The following TUT7 variants were observed in gnomAD, a reference collection of about 807,000 sequenced individuals.
TUT7 encodes the protein terminal uridylyltransferase 7.
Under a neutral mutation model 165.9 loss-of-function variants are expected in TUT7, and 33 were observed. The ratio of observed to expected loss-of-function variants is 0.20; its 90% CI spans 0.15 to 0.27. TUT7 has a LOEUF of 0.27. TUT7 is among the 10% of genes least tolerant of loss of function. TUT7 has a pLI of 1.00. For missense variants in TUT7, 1,338 were observed against 1,762.3 expected (o/e 0.76, Z 4.31); for synonymous variants, 552 against 608.1 (o/e 0.91, Z 1.36).
chr9:86,302,298 C>T (rs1826997457), intron 25 of TUT7, among the ~76,000 whole-genome samples: 1 of 151,092 alleles, frequency 6.6e-6, no homozygotes, highest in Non-Finnish European at 1.5e-5. Context: ...CATGGCTTAC[C>T]TACTCACAAC....
chr9:86,318,441 C>T (rs1450093765), intron 16 of TUT7, among the ~76,000 whole-genome samples: 1 of 152,146 alleles, frequency 6.6e-6, no homozygotes, highest in Non-Finnish European at 1.5e-5. Flanking sequence ...ACTCCTGACC[C>T]ACATGATCCA....
intron 21 of TUT7, 106 bp downstream of exon 21, chr9:86,309,106 A>C (rs781657598): frequency 1.4e-6 from 1 of 694,374 alleles, no homozygotes; most frequent in Non-Finnish European, 2.5e-6. Flanking sequence ...CTATCATAAG[A>C]TATATAAATA....
chr9:86,328,590 G>T, intron 10 of TUT7, 98 bp from the exon 11 acceptor site: 2 of 968,744 alleles, frequency 2.1e-6, no homozygotes, highest in Non-Finnish European at 2.9e-6. Flanking sequence ...ATAGTTCAAC[G>T]AAAATACAAA....
Position 86,322,362 on chromosome 9 carries a change from A to G in TUT7, c.2991T>C (p.Phe997=). 2.5e-6 allele frequency: 4 copies of G among 1,614,088 alleles called. No individual in the cohort carries two copies. The highest frequency in any genetic ancestry group is 3.4e-6 in the Non-Finnish European group (4 of 1,179,964). The part of the protein sequence containing the change: ...LEPLPPLTPK[F]LNILDQVCIQ... ...TACAGACTTGATCTAAGATATTTAAAAACTTGGGTGTTAATGGTGGCAGAG... is the reference window on the plus strand; with the variant it reads ...TACAGACTTGATCTAAGATATTTAAGAACTTGGGTGTTAATGGTGGCAGAG... The change falls in exon 14 of 27, where the codon TTT becomes TTC. Residue 997 remains phenylalanine (F), a synonymous_variant. Transcript: ENST00000375963.
chr9:86,293,119 A>C (rs552319311), intron 26 of TUT7, among the ~76,000 whole-genome samples: 13 of 152,216 alleles, frequency 8.5e-5, no homozygotes, highest in Non-Finnish European at 1.6e-4. Flanking sequence ...CTATTAAAAC[A>C]AACATTCATC....
chr9:86,313,811 T>G (rs147336461), intron 17 of TUT7, among the ~76,000 whole-genome samples: 24 of 152,274 alleles, frequency 1.6e-4, no homozygotes, highest in African/African-American at 5.5e-4. Context: ...ATGTCAGAGT[T>G]TGAGTTTCTT....
chr9:86,338,975 G>A lies in TUT7; in HGVS notation c.1209-26C>T, dbSNP rs760901357. On this transcript the variant is annotated intron_variant, in intron 8 of 26. Coordinates refer to ENST00000375963, the MANE Select transcript of TUT7 (RefSeq NM_024617.4). ...CTGGTGAGAGGTGGGGGAGGAGGATGGGAAAGAAAAAAAGAAAAAAGTGTT... is the reference window on the plus strand; with the variant it reads ...CTGGTGAGAGGTGGGGGAGGAGGATAGGAAAGAAAAAAAGAAAAAAGTGTT... 4.6e-6 allele frequency: 7 copies of A among 1,531,956 alleles called. No homozygotes were observed. The Admixed American group carries it at 1.4e-4, about 31-fold the overall frequency. 94.9% of individuals were successfully genotyped at this position (1,531,956 alleles called of 1,614,324 possible).
In TUT7 at chr9:86,301,576, C is replaced by A; in HGVS notation, c.4120G>T (p.Asp1374Tyr). 1 of 1,613,542 alleles carries A rather than the reference C, an allele frequency of 6.2e-7. No individual in the cohort carries two copies. Among genetic ancestry groups the A allele is most frequent in the Non-Finnish European group, 8.5e-7 (1 of 1,179,914 alleles). ...TCAGGGTATCTTTGGTTCAGGGCAT[C>A]TTCCTGATCTCGCCGCCGTCTTACT... is the stretch of plus-strand genomic sequence containing the variant. ...RKVRRRRDQE[D>Y]ALNQRYPENK... Residue 1374 changes from aspartate (D) to tyrosine (Y), a missense_variant, in exon 26 of 27, where the codon GAT becomes TAT. Physicochemically the swap from Asp to Tyr is radical, Grantham distance 160 (BLOSUM62 -3). This residue lies in a region of TUT7 where 167 missense variants were observed against 204.9 expected (regional missense o/e 0.82). Coordinates refer to ENST00000375963, the MANE Select transcript of TUT7 (RefSeq NM_024617.4).
intron 26 of TUT7, among the ~76,000 whole-genome samples, chr9:86,289,995 A>T (rs532289768): frequency 1.3e-5 from 2 of 152,202 alleles, no homozygotes; most frequent in Non-Finnish European, 2.9e-5. Flanking sequence ...ATAAAACTAT[A>T]TAAATAGCAT....
intron 26 of TUT7, among the ~76,000 whole-genome samples, chr9:86,297,921 C>CATTTTTTTTTTTT: frequency 1.2e-5 from 1 of 86,504 alleles, no homozygotes; most frequent in Non-Finnish European, 2.0e-5. Flanking sequence ...GCCTGCTCCA[C>CATTTTTTTTTTTT]TTTTTTTTTT....
intron 2 of TUT7, among the ~76,000 whole-genome samples, chr9:86,346,708 G>T (rs781452241): frequency 1.2e-4 from 18 of 152,126 alleles, no homozygotes; most frequent in Non-Finnish European, 1.9e-4. Flanking sequence ...AAATTTAAAA[G>T]AATTCTACTT....
chr9:86,323,536 A>C lies in TUT7; in HGVS notation c.2214T>G (p.Gly738=). ...CTGTTTCTGGATGGTATACTTTATC[A>C]CCCTTGTAATCATCAGAGTTAACAT... ...QADVNSDDYK[G]DKVYHPETGR... The change falls in exon 13 of 27, where the codon GGT becomes GGG. Residue 738 remains glycine (G), a synonymous_variant. Transcript: ENST00000375963. 1 of 1,614,014 alleles carries C rather than the reference A, an allele frequency of 6.2e-7. No individual in the cohort carries two copies. The highest frequency in any genetic ancestry group is 8.5e-7 in the Non-Finnish European group (1 of 1,180,006).
At chr9:86,304,636 CA>C (rs2131322239) in intron 24 of TUT7, among the ~76,000 whole-genome samples, 1 of 152,036 alleles carries the variant, frequency 6.6e-6, no homozygotes, top group Non-Finnish European at 1.5e-5. Context: ...AAGAATTTAA[CA>C]ACCTTAAATC....
At chr9:86,321,234 G>A (rs376360932) in intron 14 of TUT7, among the ~76,000 whole-genome samples, 1 of 151,582 alleles carries the variant, frequency 6.6e-6, no homozygotes, top group East Asian at 2.0e-4. Context: ...GTGCATGACT[G>A]TAATTCCAGC....
At position 86,331,083 on chromosome 9, in the gene TUT7, T is replaced by A. The variant is rs148924440; in HGVS notation, c.1456-2591A>T. Among the ~76,000 whole-genome samples the A allele has an allele frequency of 7.9e-3, 1,205 of 152,196 alleles. 21 individuals are homozygous for A. Among genetic ancestry groups the A allele is most frequent in the African/African-American group, 0.028 (1,161 of 41,528 alleles). On this transcript the variant is annotated intron_variant, in intron 10 of 26. Transcript: ENST00000375963. Reference sequence around the variant, plus strand: ...ATTATTATTTAGTTCAAAATATGTTTTAATGTCCCACTTGAATTCCTCTTT... The same window carrying A: ...ATTATTATTTAGTTCAAAATATGTTATAATGTCCCACTTGAATTCCTCTTT...
At chr9:86,316,719 C>G (rs1472520612) in intron 17 of TUT7, among the ~76,000 whole-genome samples, 1 of 152,062 alleles carries the variant, frequency 6.6e-6, no homozygotes, top group African/African-American at 2.4e-5. Context: ...CTTACGCATA[C>G]AAGATTTTAA....
intron 26 of TUT7, among the ~76,000 whole-genome samples, chr9:86,300,426 A>G (rs902334732): frequency 6.6e-6 from 1 of 152,222 alleles, no homozygotes; most frequent in Admixed American, 6.5e-5. Context: ...GGATAGCGAC[A>G]GGATTGACTA....
Position 86,288,335 on chromosome 9 carries a change from T to A in TUT7, c.*342A>T, listed in dbSNP as rs1326335531. 6.1e-6 allele frequency: 1 copy of A among 163,136 alleles called. No homozygotes were observed. Among genetic ancestry groups the A allele is most frequent in the Non-Finnish European group, 1.3e-5 (1 of 75,420 alleles). The allele number at this position is 163,136 out of a possible 1,614,324, so 10.1% of individuals were successfully genotyped here. On this transcript the variant is annotated 3_prime_UTR_variant, in exon 27 of 27. Coordinates refer to ENST00000375963, the MANE Select transcript of TUT7 (RefSeq NM_024617.4). ...AAAGGGTTAATTTACTTGGGGTTTA[T>A]CAGCACACCATTTTTAATGTGCTTT...
rs1210829754 is a variant in TUT7 at position 86,325,400 on chromosome 9, T to C, written c.1723A>G (p.Ile575Val). The change falls in exon 12 of 27, where the codon ATT becomes GTT. Residue 575 changes from isoleucine (I) to valine (V), a missense_variant. Physicochemically the swap from Ile to Val is conservative, Grantham distance 29 (BLOSUM62 3). This residue lies in a region of TUT7 where 28 missense variants were observed against 69.4 expected (regional missense o/e 0.40). Transcript: ENST00000375963. ...CGAGATACCAATTCTTTGACACGAATACTTATCACTAAATCAGCCAAATTA... is the reference window on the plus strand; with the variant it reads ...CGAGATACCAATTCTTTGACACGAACACTTATCACTAAATCAGCCAAATTA... ...EFNLADLVIS[I>V]RVKELVSREL... 6.2e-7 allele frequency: 1 copy of C among 1,614,162 alleles called. No individual in the cohort carries two copies. The highest frequency in any genetic ancestry group is 1.1e-5 in the South Asian group (1 of 91,084).
Sources: allele counts gnomAD v4.1 joint callset (sites outside exome capture counted in the v4.1 genomes callset), GRCh38; gene constraint gnomAD v4.1.1; regional missense constraint gnomAD v4.1.1; transcripts MANE v1.5; gene names NCBI Gene and HGNC (gene_info 2026-07-23, HGNC 2026-07-21).